WDR37: variants seen among roughly 807,000 people sequenced by gnomAD.
WDR37 encodes WD repeat-containing protein 37.
A neutral mutation model predicts 62.9 loss-of-function variants in WDR37; 19 were observed. The ratio of observed to expected loss-of-function variants is 0.30; its 90% CI spans 0.21 to 0.44. The LOEUF (loss-of-function observed/expected upper bound fraction) is 0.44, where lower values mean the gene tolerates loss of function less well. WDR37 is among the 20% of genes least tolerant of loss of function. WDR37 has a pLI of 1.00. For missense variants in WDR37, 474 were observed against 657.6 expected, an observed-to-expected ratio of 0.72 and a Z score of 3.05; for synonymous variants, 250 against 260.9, an observed-to-expected ratio of 0.96 and a Z score of 0.40.
chr10:1,072,693 A>G (rs1833764917), intron 2 of WDR37, among the ~76,000 whole-genome samples: 1 of 151,914 alleles, frequency 6.6e-6, no homozygotes, highest in African/African-American at 2.4e-5. Flanking sequence ...TCCAAAGTAA[A>G]AAAAAAAGGG....
intron 11 of WDR37, among the ~76,000 whole-genome samples, chr10:1,122,505 C>G (rs1835619064): frequency 6.6e-6 from 1 of 152,220 alleles, no homozygotes; most frequent in Admixed American, 6.5e-5. Flanking sequence ...CACTCATGCC[C>G]AGCTGCATGG....
intron 2 of WDR37, chr10:1,074,604 G>C: frequency 9.2e-7 from 1 of 1,092,224 alleles, no homozygotes; most frequent in Non-Finnish European, 1.2e-6. Flanking sequence ...CCTGCCGTGG[G>C]CGGGAGAGAG....
At chr10:1,098,924 C>A (rs771564727) in intron 9 of WDR37, among the ~76,000 whole-genome samples, 33 of 152,358 alleles carry the variant, frequency 2.2e-4, no homozygotes, top group Middle Eastern at 3.4e-3. Context: ...CGTCCACTCT[C>A]TTACAGTTGA....
rs1472188398 is a variant in WDR37 at position 1,130,398 on chromosome 10, T to C, written c.*1054T>C. 2.6e-5 allele frequency: 4 copies of C among 152,676 alleles called. No individual in the cohort carries two copies. The highest frequency in any genetic ancestry group is 5.9e-5 in the Non-Finnish European group (4 of 68,064). The allele number at this position is 152,676 out of a possible 1,614,324, so 9.5% of individuals were successfully genotyped here. On this transcript the variant is annotated 3_prime_UTR_variant, in exon 14 of 14. Coordinates refer to ENST00000263150, the MANE Select transcript of WDR37 (RefSeq NM_014023.4). ...TGTCCTGAAGGTGTAGGCTCTCCAC[T>C]TAGGCGCACAAGCTGACGGCTGCAG...
chr10:1,129,353 G>A lies in WDR37; in HGVS notation c.*9G>A. On this transcript the variant is annotated 3_prime_UTR_variant, in exon 14 of 14. Transcript: ENST00000263150. ...TGCTACAAGAAAAATAAGGACACCG[G>A]CAGCCCTTAGTTTCACTGTTTGCCA... 6.2e-7 allele frequency: 1 copy of A among 1,613,890 alleles called. No homozygotes were observed. Among genetic ancestry groups the A allele is most frequent in the Non-Finnish European group, 8.5e-7 (1 of 1,179,856 alleles).
chr10:1,064,780 C>A (rs1291673493), intron 1 of WDR37, among the ~76,000 whole-genome samples: 2 of 151,586 alleles, frequency 1.3e-5, no homozygotes, highest in Admixed American at 1.3e-4. Flanking sequence ...TTAGTAGAGA[C>A]GGGGTTTCAC....
At chr10:1,127,920 G>A (rs1176623249) in intron 13 of WDR37, among the ~76,000 whole-genome samples, 1 of 152,250 alleles carries the variant, frequency 6.6e-6, no homozygotes, top group African/African-American at 2.4e-5. Flanking sequence ...AAGCCTGGCT[G>A]GCTTTCTTCT....
At position 1,130,420 on chromosome 10, in the gene WDR37, G is replaced by C. The variant is rs866324425; in HGVS notation, c.*1076G>C. On this transcript the variant is annotated 3_prime_UTR_variant, in exon 14 of 14. Coordinates refer to ENST00000263150, the MANE Select transcript of WDR37 (RefSeq NM_014023.4). ...CACTTAGGCGCACAAGCTGACGGCT[G>C]CAGCCAGCAGGCCCCGGTGACGAGA... is the stretch of plus-strand genomic sequence containing the variant. 2 of 152,740 alleles carry C rather than the reference G, an allele frequency of 1.3e-5. No homozygotes were observed. The highest frequency in any genetic ancestry group is 4.8e-5 in the African/African-American group (2 of 41,464). 9.5% of individuals were successfully genotyped at this position (152,740 alleles called of 1,614,324 possible).
At chr10:1,126,201 C>T (rs529985603) in intron 13 of WDR37, among the ~76,000 whole-genome samples, 27 of 152,150 alleles carry the variant, frequency 1.8e-4, no homozygotes, top group African/African-American at 2.9e-4. Context: ...GTCAGGAGAT[C>T]GAGACCATCC....
chr10:1,115,030 G>GTT (rs199799863), intron 11 of WDR37, among the ~76,000 whole-genome samples: 89 of 142,544 alleles, frequency 6.2e-4, no homozygotes, highest in Admixed American at 4.1e-3. Context: ...TCCCTTTTTT[G>GTT]TTTTTTTTTT....
chr10:1,107,237 G>T (rs1314704059), intron 11 of WDR37, among the ~76,000 whole-genome samples: 5 of 152,240 alleles, frequency 3.3e-5, no homozygotes, highest in African/African-American at 1.2e-4. Flanking sequence ...ACGTCCACCA[G>T]ATGCAGAGGG....
intron 7 of WDR37, among the ~76,000 whole-genome samples, chr10:1,087,245 C>T (rs1373081263): frequency 1.3e-5 from 2 of 152,228 alleles, no homozygotes; most frequent in Non-Finnish European, 2.9e-5. Context: ...GCCTTCTTAC[C>T]TGTCTTCCTC....
At chr10:1,071,945 G>A (rs1833744345) in intron 1 of WDR37, among the ~76,000 whole-genome samples, 171 bp from the exon 2 acceptor site, 1 of 152,014 alleles carries the variant, frequency 6.6e-6, no homozygotes, top group Admixed American at 6.6e-5. Flanking sequence ...CTTTAATAAA[G>A]GCTGTGGTCC....
Position 1,103,414 on chromosome 10 carries a change from G to A in WDR37, c.727-188G>A, listed in dbSNP as rs1437688650. On this transcript the variant is annotated intron_variant, in intron 9 of 13. Coordinates refer to ENST00000263150, the MANE Select transcript of WDR37 (RefSeq NM_014023.4). The surrounding 1 kb of genome is among the most constrained non-coding windows in gnomAD (Gnocchi z 6.3). Reference sequence around the variant, plus strand: ...GGTCGTAGAGTTGATGGGTGTTCACGGGCAGCAGTTATGGGTCAGAGGAGG... The same window carrying A: ...GGTCGTAGAGTTGATGGGTGTTCACAGGCAGCAGTTATGGGTCAGAGGAGG... Among the ~76,000 whole-genome samples the A allele has an allele frequency of 6.6e-6, 1 of 152,066 alleles. No homozygotes were observed. Among genetic ancestry groups the A allele is most frequent in the Non-Finnish European group, 1.5e-5 (1 of 68,032 alleles).
intron 9 of WDR37, among the ~76,000 whole-genome samples, chr10:1,102,096 CCT>C (rs1834831769): frequency 6.9e-6 from 1 of 144,196 alleles, no homozygotes; most frequent in East Asian, 2.2e-4. Flanking sequence ...GCCGTGCGTC[CCT>C]GTGACGTGTG....
At position 1,084,463 on chromosome 10, in the gene WDR37, A is replaced by G. The variant is rs141869452; in HGVS notation, c.457A>G (p.Ile153Val). 12 of 1,614,056 alleles carry G rather than the reference A, an allele frequency of 7.4e-6. No individual in the cohort carries two copies. Among genetic ancestry groups the G allele is most frequent in the African/African-American group, 2.7e-5 (2 of 74,922 alleles). ...TGCCTGCCAGCTCGTGAAGGAGTAC[A>G]TCGGCCACCGGGACGGCATCTGGGA... ...RAACQLVKEY[I>V]GHRDGIWDVS... Residue 153 changes from isoleucine (I) to valine (V), a missense_variant, in exon 6 of 14, where the codon ATC becomes GTC. Transcript: ENST00000263150.
rs542800634 is a variant in WDR37 at position 1,115,674 on chromosome 10, G to A, written c.1104-8544G>A. 2.6e-5 allele frequency among the ~76,000 whole-genome samples: 4 copies of A among 152,348 alleles called. No individual in the cohort carries two copies. The South Asian group carries it at 6.2e-4, about 24-fold the overall frequency. On this transcript the variant is annotated intron_variant, in intron 11 of 13. Transcript: ENST00000263150. ...CCTCTGGGTGCTGTCCGGCCAGCTG[G>A]CCGCCTGGGAGGTGCGTGTTGGAAA...
At position 1,129,859 on chromosome 10, in the gene WDR37, T is replaced by C. The variant is rs1265836239; in HGVS notation, c.*515T>C. On this transcript the variant is annotated 3_prime_UTR_variant, in exon 14 of 14. Coordinates refer to ENST00000263150, the MANE Select transcript of WDR37 (RefSeq NM_014023.4). ...GCTGTCGTGTAGTCAGCTTCTACTC[T>C]AATTTCTGTTACAGTTCTGCAAAGG... The C allele has an allele frequency of 1.3e-5, 2 of 152,366 alleles. No individual in the cohort carries two copies. The highest frequency in any genetic ancestry group is 3.8e-4 in the East Asian group (2 of 5,198). 9.4% of individuals were successfully genotyped at this position (152,366 alleles called of 1,614,324 possible).
At chr10:1,116,514 A>G (rs1835407601) in intron 11 of WDR37, among the ~76,000 whole-genome samples, 1 of 152,170 alleles carries the variant, frequency 6.6e-6, no homozygotes, top group Non-Finnish European at 1.5e-5. Context: ...AGTTCTATCC[A>G]TGTTGCTGCA....
Sources: gnomAD v4.1 joint callset for allele counts (sites outside exome capture counted in the v4.1 genomes callset) on GRCh38, gnomAD v4.1.1 for gene constraint, Gnocchi (gnomAD v3.1) non-coding constraint, MANE v1.5 for transcripts, NCBI Gene and HGNC (gene_info 2026-07-23, HGNC 2026-07-21) for gene names.